Variants in TBC1D22A observed in about 807,000 individuals in gnomAD.
TBC1D22A encodes TBC1 domain family member 22A, also known as putative GTPase activator.
A neutral mutation model predicts 60.2 loss-of-function variants in TBC1D22A; 38 were observed. That is an observed-to-expected ratio of 0.63 (90% CI 0.49 to 0.83). The LOEUF is 0.83. TBC1D22A is among the 40% of genes least tolerant of loss of function. The probability of loss-of-function intolerance (pLI) is 0.00; values close to 1 mark genes in which losing one functional copy is unlikely to be tolerated. For synonymous variants in TBC1D22A, 302 were observed against 281.7 expected (o/e 1.07, Z -0.72); for missense variants, 628 against 701.0 (o/e 0.90, Z 1.18).
intron 6 of TBC1D22A, among the ~76,000 whole-genome samples, chr22:46,892,514 T>C (rs5769209): frequency 0.71 from 108,266 of 152,014 alleles, 38,718 homozygotes; most frequent in Middle Eastern, 0.87. Context: ...CTGTCTCTCA[T>C]CAGGGCCCCT....
At chr22:47,058,829 T>A in intron 11 of TBC1D22A, among the ~76,000 whole-genome samples, 1 of 151,952 alleles carries the variant, frequency 6.6e-6, no homozygotes, top group East Asian at 1.9e-4. Flanking sequence ...TAAGGTGGCA[T>A]AAGTGAAATG....
intron 8 of TBC1D22A, among the ~76,000 whole-genome samples, chr22:46,927,058 C>T (rs1274430982): frequency 6.6e-6 from 1 of 152,142 alleles, no homozygotes; most frequent in Non-Finnish European, 1.5e-5. Context: ...TTCATAGACT[C>T]TTTCAAAAAA....
chr22:46,821,529 A>G (rs2085831071), intron 4 of TBC1D22A, among the ~76,000 whole-genome samples: 1 of 152,114 alleles, frequency 6.6e-6, no homozygotes, highest in African/African-American at 2.4e-5. Context: ...GCTGGATGTG[A>G]AATTTTGGGT....
intron 4 of TBC1D22A, among the ~76,000 whole-genome samples, chr22:46,869,865 T>A (rs1376958767): frequency 6.6e-6 from 1 of 152,222 alleles, no homozygotes; most frequent in African/African-American, 2.4e-5. Flanking sequence ...TATTCTTGGC[T>A]TTTCAGAAAA....
chr22:47,161,720 G>A (rs1329273197), intron 12 of TBC1D22A, among the ~76,000 whole-genome samples: 1 of 152,248 alleles, frequency 6.6e-6, no homozygotes, highest in Non-Finnish European at 1.5e-5. Flanking sequence ...GACCCTGTGT[G>A]CCAGCCAGGT....
At chr22:46,836,179 C>T (rs2086510514) in intron 4 of TBC1D22A, among the ~76,000 whole-genome samples, 1 of 152,150 alleles carries the variant, frequency 6.6e-6, no homozygotes, top group Admixed American at 6.5e-5. Context: ...CAGAATACCT[C>T]AATATTGTAA....
At chr22:46,910,545 A>G (rs148599297) in intron 7 of TBC1D22A, among the ~76,000 whole-genome samples, 2 of 152,238 alleles carry the variant, frequency 1.3e-5, no homozygotes, top group South Asian at 2.1e-4. Context: ...CCTTGTTTGT[A>G]TGGACAGGCC....
intron 7 of TBC1D22A, among the ~76,000 whole-genome samples, chr22:46,897,640 G>GTTTTTTTTTTTTTTTTTTTTTTTTT (rs1210846664): frequency 9.2e-6 from 1 of 108,378 alleles, no homozygotes; most frequent in African/African-American, 4.2e-5. Context: ...GTTTCGTTTT[G>GTTTTTTTTTTTTTTTTTTTTTTTTT]TTTTTTTTTG....
At chr22:46,770,753 T>G (rs1272321645) in intron 1 of TBC1D22A, among the ~76,000 whole-genome samples, 1 of 152,064 alleles carries the variant, frequency 6.6e-6, no homozygotes. Context: ...TCTGGCCGCC[T>G]TGCTTTCTTG....
At chr22:46,790,702 C>T (rs116843292) in intron 1 of TBC1D22A, among the ~76,000 whole-genome samples, 9 of 152,264 alleles carry the variant, frequency 5.9e-5, no homozygotes, top group East Asian at 5.8e-4. Context: ...ATAGCCGACA[C>T]GGAGACCACT....
At chr22:47,144,498 C>T (rs1255548463) in intron 12 of TBC1D22A, among the ~76,000 whole-genome samples, 1 of 152,254 alleles carries the variant, frequency 6.6e-6, no homozygotes, top group African/African-American at 2.4e-5. Context: ...ACTGCACCAG[C>T]GTCCCTCCTT....
chr22:46,878,732 C>G lies in TBC1D22A; in HGVS notation c.708+9C>G, dbSNP rs759529370. The G allele has an allele frequency of 6.2e-7, 1 of 1,612,732 alleles. No individual in the cohort carries two copies. Among genetic ancestry groups the G allele is most frequent in the South Asian group, 1.1e-5 (1 of 91,072 alleles). On this transcript the variant is annotated intron_variant, in intron 5 of 12. Coordinates refer to ENST00000337137, the MANE Select transcript of TBC1D22A (RefSeq NM_014346.5). ...CGTGGAAGCTCCTCTCAGTAAGTCCCACCGCACCGCCCATCAGCGCCTCCT... is the reference window on the plus strand; with the variant it reads ...CGTGGAAGCTCCTCTCAGTAAGTCCGACCGCACCGCCCATCAGCGCCTCCT...
chr22:47,016,828 C>T (rs537164000), intron 10 of TBC1D22A, among the ~76,000 whole-genome samples: 14 of 151,306 alleles, frequency 9.3e-5, no homozygotes, highest in South Asian at 2.1e-4. Context: ...AGGGGGCTAC[C>T]GGCCTGCCTC....
intron 4 of TBC1D22A, among the ~76,000 whole-genome samples, chr22:46,821,944 CT>C (rs199949023): frequency 0.074 from 11,174 of 151,812 alleles, 578 homozygotes; most frequent in Non-Finnish European, 0.11. Flanking sequence ...CTTTTTCATT[CT>C]TTTTTCTCTA....
intron 9 of TBC1D22A, among the ~76,000 whole-genome samples, chr22:46,976,356 A>G (rs2074294646): frequency 6.6e-6 from 1 of 152,148 alleles, no homozygotes; most frequent in African/African-American, 2.4e-5. Context: ...CTCACGTGCC[A>G]CGATGGATTC....
chr22:47,010,061 G>A (rs762730196), intron 10 of TBC1D22A, among the ~76,000 whole-genome samples: 14 of 152,230 alleles, frequency 9.2e-5, no homozygotes, highest in Non-Finnish European at 1.8e-4. Context: ...TGTGGGAAAC[G>A]GCTTTATGTA....
chr22:46,854,718 G>A (rs1185483823), intron 4 of TBC1D22A, among the ~76,000 whole-genome samples: 1 of 152,172 alleles, frequency 6.6e-6, no homozygotes, highest in African/African-American at 2.4e-5. Flanking sequence ...GGTCCTGGCA[G>A]GAGGTGAATC....
intron 11 of TBC1D22A, among the ~76,000 whole-genome samples, chr22:47,104,939 C>A (rs140117048): frequency 2.0e-5 from 3 of 151,936 alleles, no homozygotes; most frequent in African/African-American, 4.8e-5. Context: ...ACTTGTCCCC[C>A]CTTTCTGGAC....
chr22:47,054,645 C>G (rs1011437347), intron 11 of TBC1D22A, among the ~76,000 whole-genome samples: 5 of 152,196 alleles, frequency 3.3e-5, no homozygotes, highest in African/African-American at 9.6e-5. Flanking sequence ...CACTCATTTC[C>G]CCCTTGCTGA....
Sources: gnomAD v4.1 joint callset for allele counts (sites outside exome capture counted in the v4.1 genomes callset) on GRCh38, gnomAD v4.1.1 for gene constraint, MANE v1.5 for transcripts, NCBI Gene and HGNC (gene_info 2026-07-23, HGNC 2026-07-21) for gene names.